The following DMRT1 variants were observed in gnomAD, a reference collection of about 807,000 sequenced individuals.
The protein encoded by DMRT1 is doublesex and mab-3 related transcription factor 1, also known as doublesex- and mab-3-related transcription factor 1.
Under a neutral mutation model 32.3 loss-of-function variants are expected in DMRT1, and 7 were observed. The observed-to-expected ratio is 0.22, with a 90% CI of 0.12 to 0.41. The LOEUF (loss-of-function observed/expected upper bound fraction) is 0.41. Among genes scored for constraint, DMRT1 ranks in the 10% least tolerant of loss-of-function variants. The probability of loss-of-function intolerance (pLI) is 1.00; values close to 1 mark genes in which losing one functional copy is unlikely to be tolerated. For missense variants in DMRT1, 625 were observed against 500.5 expected, an observed-to-expected ratio of 1.25 and a Z score of -2.37; for synonymous variants, 278 against 206.1, an observed-to-expected ratio of 1.35 and a Z score of -2.99.
At chr9:842,246 T>TTTTA in intron 1 of DMRT1, 54 bp downstream of exon 1, 1 of 1,505,038 alleles carries the variant, frequency 6.6e-7, no homozygotes, top group East Asian at 2.5e-5. Context: ...TTTTTTTTTT[T>TTTTA]TTTTTTTAGA....
At chr9:932,886 T>C (rs1421417419) in intron 4 of DMRT1, among the ~76,000 whole-genome samples, 1 of 152,024 alleles carries the variant, frequency 6.6e-6, no homozygotes, top group Non-Finnish European at 1.5e-5. Flanking sequence ...TGGGGCGCGG[T>C]ATCTCCGTGC....
At chr9:945,773 C>A (rs1321922704) in intron 4 of DMRT1, among the ~76,000 whole-genome samples, 1 of 143,616 alleles carries the variant, frequency 7.0e-6, no homozygotes, top group Non-Finnish European at 1.5e-5. Flanking sequence ...GTAATCTTGG[C>A]GTAATACAGT....
chr9:852,026 G>C (rs145248736), intron 2 of DMRT1, among the ~76,000 whole-genome samples: 305 of 150,674 alleles, frequency 2.0e-3, no homozygotes, highest in African/African-American at 7.3e-3. Context: ...TGCAACCTCT[G>C]CCTCCTGGGT....
chr9:954,832 G>A (rs1819545561), intron 4 of DMRT1, among the ~76,000 whole-genome samples: 2 of 151,990 alleles, frequency 1.3e-5, no homozygotes, highest in Admixed American at 6.6e-5. Flanking sequence ...AGTAGAGACA[G>A]GGTTTCACCA....
chr9:888,387 C>T (rs1817013843), intron 2 of DMRT1, among the ~76,000 whole-genome samples: 1 of 152,022 alleles, frequency 6.6e-6, no homozygotes, highest in Admixed American at 6.5e-5. Context: ...CTCACTGCAC[C>T]CTCTGCCTCC....
At chr9:897,186 C>G (rs1317547162) in intron 3 of DMRT1, among the ~76,000 whole-genome samples, 1 of 151,534 alleles carries the variant, frequency 6.6e-6, no homozygotes, top group Non-Finnish European at 1.5e-5. Flanking sequence ...CATCTCGGCT[C>G]ACTGCAACCT....
intron 4 of DMRT1, among the ~76,000 whole-genome samples, chr9:920,609 G>C (rs1586619303): frequency 6.6e-6 from 1 of 152,216 alleles, no homozygotes; most frequent in South Asian, 2.1e-4. Context: ...GAGTTTTGCT[G>C]TAAGAGGAAT....
intron 3 of DMRT1, among the ~76,000 whole-genome samples, chr9:904,536 A>G (rs1470794854): frequency 6.6e-6 from 1 of 152,220 alleles, no homozygotes; most frequent in Non-Finnish European, 1.5e-5. Flanking sequence ...TATGCGTTAG[A>G]GACTCCTTTA....
In DMRT1 at chr9:892,192, G is replaced by A. The variant is rs371966576; in HGVS notation, c.539-1720G>A. Among the ~76,000 whole-genome samples, 4 of 152,294 alleles carry A rather than the reference G, an allele frequency of 2.6e-5. No individual in the cohort carries two copies. In the East Asian group the frequency reaches 5.8e-4, roughly 22 times the overall value. On this transcript the variant is annotated intron_variant, in intron 2 of 4. Coordinates refer to ENST00000382276, the MANE Select transcript of DMRT1 (RefSeq NM_021951.3). ...TGTCCCAGCAGCAGTTGACACCACA[G>A]CCTGCTTGCTCTGTGATTCAAGTCA...
chr9:940,447 T>A (rs180674806), intron 4 of DMRT1, among the ~76,000 whole-genome samples: 56 of 151,970 alleles, frequency 3.7e-4, no homozygotes, highest in African/African-American at 1.3e-3. Flanking sequence ...CTAAGAACAT[T>A]CAATAGAGAA....
chr9:889,027 C>T (rs1010403065), intron 2 of DMRT1, among the ~76,000 whole-genome samples: 3 of 151,494 alleles, frequency 2.0e-5, no homozygotes, highest in South Asian at 2.1e-4. Context: ...GCGCCATTCT[C>T]GGGGTGTATG....
rs75816289 is a variant in DMRT1, at chr9:909,134, G to T, written c.823-7629G>T. Among the ~76,000 whole-genome samples, 686 of 152,202 alleles carry T rather than the reference G, an allele frequency of 4.5e-3. 36 individuals carry two copies. In the East Asian group the frequency reaches 0.11, roughly 24 times the overall value. ...CCACCTAAGAGAAAGCAAGGTGAGC[G>T]CAGGAGAGGAAGGGAGCAAAGGACT... On this transcript the variant is annotated intron_variant, in intron 3 of 4. Transcript: ENST00000382276.
chr9:935,488 C>G (rs1818856170), intron 4 of DMRT1, among the ~76,000 whole-genome samples: 1 of 152,208 alleles, frequency 6.6e-6, no homozygotes, highest in Non-Finnish European at 1.5e-5. Context: ...GTCAGCCTGT[C>G]TGAGTCTGAC....
At chr9:941,398 GAACC>G (rs1179653417) in intron 4 of DMRT1, among the ~76,000 whole-genome samples, 1 of 145,254 alleles carries the variant, frequency 6.9e-6, no homozygotes, top group East Asian at 2.1e-4. Flanking sequence ...TAACATGGAT[GAACC>G]TTGAGGACAT....
At chr9:884,118 A>T (rs1467940990) in intron 2 of DMRT1, among the ~76,000 whole-genome samples, 1 of 152,006 alleles carries the variant, frequency 6.6e-6, no homozygotes, top group Non-Finnish European at 1.5e-5. Flanking sequence ...TGGTTTTTTC[A>T]TGGAGGTGAG....
chr9:879,494 T>A (rs1055137533), intron 2 of DMRT1, among the ~76,000 whole-genome samples: 22 of 152,224 alleles, frequency 1.4e-4, no homozygotes, highest in Non-Finnish European at 2.9e-5. Flanking sequence ...AGGTAGGCTG[T>A]TGTTCTAATG....
chr9:845,551 A>T (rs920015809), intron 1 of DMRT1, among the ~76,000 whole-genome samples: 2 of 151,986 alleles, frequency 1.3e-5, no homozygotes, highest in Admixed American at 1.3e-4. Flanking sequence ...GACCATGAAG[A>T]GCTTCTTGGG....
At chr9:860,957 G>A (rs969644632) in intron 2 of DMRT1, among the ~76,000 whole-genome samples, 4 of 152,048 alleles carry the variant, frequency 2.6e-5, no homozygotes, top group African/African-American at 9.7e-5. Context: ...ACAGCTGCCT[G>A]TGTATACCAC....
intron 3 of DMRT1, among the ~76,000 whole-genome samples, chr9:905,544 A>G (rs1200790710): frequency 6.6e-6 from 1 of 150,864 alleles, no homozygotes; most frequent in African/African-American, 2.5e-5. Context: ...ACTAAAGTTT[A>G]TGTACTTAAA....
Sources: gnomAD v4.1 joint callset for allele counts (sites outside exome capture counted in the v4.1 genomes callset) on GRCh38, gnomAD v4.1.1 for gene constraint, MANE v1.5 for transcripts, NCBI Gene and HGNC (gene_info 2026-07-23, HGNC 2026-07-21) for gene names.